SLC38A1: variants seen among roughly 807,000 people sequenced by gnomAD.
SLC38A1 encodes the protein sodium-coupled neutral amino acid symporter 1.
Under a neutral mutation model 60.3 loss-of-function variants are expected in SLC38A1, and 18 were observed. The ratio of observed to expected loss-of-function variants is 0.30; its 90% CI spans 0.21 to 0.44. The LOEUF is 0.44. Among genes scored for constraint, SLC38A1 ranks in the 20% least tolerant of loss-of-function variants. The pLI, the probability that SLC38A1 is intolerant of heterozygous loss-of-function variation, is 1.00. For synonymous variants in SLC38A1, 196 were observed against 212.1 expected, an observed-to-expected ratio of 0.92 and a Z score of 0.66; for missense variants, 448 against 587.2, an observed-to-expected ratio of 0.76 and a Z score of 2.45.
At chr12:46,241,728 A>G (rs1941456370) in intron 2 of SLC38A1, among the ~76,000 whole-genome samples, 1 of 152,028 alleles carries the variant, frequency 6.6e-6, no homozygotes, top group Non-Finnish European at 1.5e-5. Context: ...GTTGAACCCC[A>G]CTCTTACCCC....
At chr12:46,237,089 T>C (rs1357335706) in intron 3 of SLC38A1, among the ~76,000 whole-genome samples, 1 of 152,252 alleles carries the variant, frequency 6.6e-6, no homozygotes, top group Admixed American at 6.5e-5. Context: ...GTTCTTATTG[T>C]ATCCAATTGC....
intron 1 of SLC38A1, 62 bp from the exon 2 acceptor site, chr12:46,243,376 A>G (rs1941509042): frequency 6.6e-6 from 1 of 152,266 alleles, no homozygotes; most frequent in South Asian, 2.1e-4. Context: ...AATGGAAATG[A>G]TACCAAACAT....
intron 1 of SLC38A1, among the ~76,000 whole-genome samples, chr12:46,250,744 T>C (rs900046672): frequency 6.6e-6 from 1 of 152,144 alleles, no homozygotes; most frequent in Admixed American, 6.5e-5. Context: ...CATTCACAAT[T>C]GCTACAAAGA....
intron 12 of SLC38A1, among the ~76,000 whole-genome samples, chr12:46,202,498 T>G (rs1939707266): frequency 6.6e-6 from 1 of 152,174 alleles, no homozygotes; most frequent in Non-Finnish European, 1.5e-5. Context: ...AATCAATAAA[T>G]CCATAGAATT....
intron 3 of SLC38A1, among the ~76,000 whole-genome samples, chr12:46,235,585 A>C (rs896581983): frequency 6.6e-6 from 1 of 152,212 alleles, no homozygotes; most frequent in African/African-American, 2.4e-5. Context: ...AAAGCAAGAG[A>C]AGAATTTTCT....
chr12:46,244,759 C>T (rs1432152422), intron 1 of SLC38A1, among the ~76,000 whole-genome samples: 3 of 152,228 alleles, frequency 2.0e-5, no homozygotes, highest in Admixed American at 6.5e-5. Context: ...AGGGCCTGCA[C>T]TGCCAGTAAT....
chr12:46,255,055 C>G (rs1033561399), intron 1 of SLC38A1: 1 of 152,196 alleles, frequency 6.6e-6, no homozygotes, highest in African/African-American at 2.4e-5. Flanking sequence ...GAACATTTCA[C>G]CTCTCTGTGA....
rs117485387 is a variant in SLC38A1, at chr12:46,253,673, G to T, written c.-208-10359C>A. On this transcript the variant is annotated intron_variant, in intron 1 of 16. Coordinates refer to ENST00000398637, the MANE Select transcript of SLC38A1 (RefSeq NM_030674.4). ...GTGACTTAGAATGCTTTAACCATCTGGAAATGCAGCTCAGTGGCTCTCAGC... is the reference window on the plus strand; with the variant it reads ...GTGACTTAGAATGCTTTAACCATCTTGAAATGCAGCTCAGTGGCTCTCAGC... Among the ~76,000 whole-genome samples, 985 of 152,248 alleles carry T rather than the reference G, an allele frequency of 6.5e-3. 3 individuals carry two copies. The highest frequency in any genetic ancestry group is 0.011 in the Non-Finnish European group (762 of 68,018).
chr12:46,226,512 A>T lies in SLC38A1; in HGVS notation c.314+2641T>A, dbSNP rs191335029. On this transcript the variant is annotated intron_variant, in intron 5 of 16. Transcript: ENST00000398637. ...TAGAAATGAAAATAAAGGAAAGATT[A>T]AAAAAATTAGAGGACTAGTCTAGAA... 4.3e-3 allele frequency among the ~76,000 whole-genome samples: 658 copies of T among 152,218 alleles called. 4 individuals carry two copies. Among genetic ancestry groups the T allele is most frequent in the African/African-American group, 0.015 (632 of 41,552 alleles).
chr12:46,196,052 C>T, intron 16 of SLC38A1: 3 of 1,206,064 alleles, frequency 2.5e-6, no homozygotes, highest in Non-Finnish European at 3.5e-6. Flanking sequence ...CTGGGAGCTG[C>T]AGACCAGAGC....
rs1047780632 is a variant in SLC38A1 at position 46,188,056 on chromosome 12, T to C, written c.*914A>G. On this transcript the variant is annotated 3_prime_UTR_variant, in exon 17 of 17. Transcript: ENST00000398637. ...CCTATAATGTACTAAAACATTTTTC[T>C]CCCTTCAGCAAGACAGGTAGGGTTG... 6.6e-6 allele frequency: 1 copy of C among 152,172 alleles called. No individual in the cohort carries two copies. Among genetic ancestry groups the C allele is most frequent in the African/African-American group, 2.4e-5 (1 of 41,432 alleles). The allele number at this position is 152,172 out of a possible 1,614,324, so 9.4% of individuals were successfully genotyped here.
intron 1 of SLC38A1, among the ~76,000 whole-genome samples, chr12:46,266,725 C>T (rs1492888): frequency 0.22 from 33,398 of 152,056 alleles, 4,625 homozygotes; most frequent in South Asian, 0.41. Flanking sequence ...TTGTTAGTTG[C>T]TGCCAGTCGC....
intron 1 of SLC38A1, among the ~76,000 whole-genome samples, chr12:46,259,215 T>C (rs1429945833): frequency 6.6e-6 from 1 of 152,238 alleles, no homozygotes; most frequent in Non-Finnish European, 1.5e-5. Flanking sequence ...AATGGTTCTA[T>C]AATTCCGGGC....
rs112983612 is a variant in SLC38A1 at position 46,253,221 on chromosome 12, T to G, written c.-208-9907A>C. ...GACCAGAAGTGTTACAAGAAAGGGG[T>G]CCTGATCTGGACCCCAAAAGAGGGT... On this transcript the variant is annotated intron_variant, in intron 1 of 16. Transcript: ENST00000398637. Among the ~76,000 whole-genome samples the G allele has an allele frequency of 1.6e-3, 245 of 152,014 alleles. 1 individual carries two copies. The highest frequency in any genetic ancestry group is 5.5e-3 in the African/African-American group (226 of 41,436).
chr12:46,259,137 A>G (rs1351566345), intron 1 of SLC38A1, among the ~76,000 whole-genome samples: 1 of 152,206 alleles, frequency 6.6e-6, no homozygotes, highest in East Asian at 1.9e-4. Flanking sequence ...GTATACCAAA[A>G]CATCACGTTG....
intron 16 of SLC38A1, chr12:46,195,701 T>C (rs1292280341): frequency 5.5e-6 from 1 of 183,116 alleles, no homozygotes; most frequent in Non-Finnish European, 1.2e-5. Flanking sequence ...CGCAGGTCGA[T>C]CTTAGACTGT....
chr12:46,239,526 T>A, intron 3 of SLC38A1, 153 bp downstream of exon 3: 2 of 714,656 alleles, frequency 2.8e-6, no homozygotes, highest in South Asian at 3.4e-5. Context: ...GGTTTCACCA[T>A]GTTGGTGGGT....
intron 1 of SLC38A1, among the ~76,000 whole-genome samples, chr12:46,264,498 T>C (rs1204169157): frequency 9.9e-5 from 15 of 152,178 alleles, no homozygotes; most frequent in Middle Eastern, 3.2e-3. Flanking sequence ...AGAAAACAAA[T>C]ATGTGATCAA....
Position 46,241,498 on chromosome 12 carries a change from C to G in SLC38A1, c.-93-1605G>C, listed in dbSNP as rs552615961. ...ACACATGTTTATAACATCTCAGATT[C>G]TAGGAACCTTGTCTTGTCTTCAGGG... On this transcript the variant is annotated intron_variant, in intron 2 of 16. Coordinates refer to ENST00000398637, the MANE Select transcript of SLC38A1 (RefSeq NM_030674.4). Among the ~76,000 whole-genome samples the G allele has an allele frequency of 3.3e-5, 5 of 152,240 alleles. No individual in the cohort carries two copies. In the South Asian group the frequency reaches 1.0e-3, roughly 32 times the overall value.
Sources: gnomAD v4.1 joint callset for allele counts (sites outside exome capture counted in the v4.1 genomes callset) on GRCh38, gnomAD v4.1.1 for gene constraint, MANE v1.5 for transcripts, NCBI Gene and HGNC (gene_info 2026-07-23, HGNC 2026-07-21) for gene names.